Variants in ENOX1 observed in about 807,000 individuals in gnomAD.
ENOX1 encodes the protein candidate growth-related and time keeping constitutive hydroquinone (NADH) oxidase.
A neutral mutation model predicts 82.5 loss-of-function variants in ENOX1; 42 were observed. The ratio of observed to expected loss-of-function variants is 0.51; its 90% CI spans 0.40 to 0.66. The LOEUF (loss-of-function observed/expected upper bound fraction) is 0.66, where lower values mean the gene tolerates loss of function less well. Among genes scored for constraint, ENOX1 ranks in the 30% least tolerant of loss-of-function variants. The probability of loss-of-function intolerance (pLI) is 0.00; values close to 1 mark genes in which losing one functional copy is unlikely to be tolerated. For synonymous variants in ENOX1, 271 were observed against 282.2 expected (o/e 0.96, Z 0.40); for missense variants, 608 against 811.6 (o/e 0.75, Z 3.05).
chr13:43,725,162 C>CT (rs1172124537), intron 1 of ENOX1, among the ~76,000 whole-genome samples: 1 of 152,050 alleles, frequency 6.6e-6, no homozygotes, highest in Non-Finnish European at 1.5e-5. Flanking sequence ...AAAGGATAAG[C>CT]TTTTTCTGAT....
chr13:43,291,682 AATTC>A (rs2046008014), intron 12 of ENOX1, among the ~76,000 whole-genome samples: 1 of 152,180 alleles, frequency 6.6e-6, no homozygotes, highest in Non-Finnish European at 1.5e-5. Flanking sequence ...GGTAACCAAG[AATTC>A]ATTCAAAGAC....
intron 3 of ENOX1, 119 bp from the exon 4 acceptor site, chr13:43,413,107 A>AAG: frequency 9.4e-7 from 1 of 1,063,052 alleles, no homozygotes; most frequent in South Asian, 2.0e-5. Flanking sequence ...AGTCTCAGGC[A>AAG]CAGAAGAAAT....
At chr13:43,445,321 C>T (rs2056584535) in intron 3 of ENOX1, among the ~76,000 whole-genome samples, 1 of 152,032 alleles carries the variant, frequency 6.6e-6, no homozygotes, top group South Asian at 2.1e-4. Context: ...GATGGGGTTT[C>T]ACCGTGTTAG....
In ENOX1 at chr13:43,522,896, CTAAGAA is replaced by C. The variant is rs145347665; in HGVS notation, c.-218-38750_-218-38745del. ...ATGGTTCCACATTTTTCTCATTTCA[CTAAGAA>C]TAACAGGAAAAAATCCTCAATGTGG... On this transcript the variant is annotated intron_variant, in intron 2 of 16. Transcript: ENST00000690772. Among the ~76,000 whole-genome samples the C allele has an allele frequency of 3.9e-3, 589 of 152,230 alleles. 1 individual carries two copies. The highest frequency in any genetic ancestry group is 0.014 in the African/African-American group (566 of 41,546).
chr13:43,664,179 AG>A (rs78289208), intron 2 of ENOX1, among the ~76,000 whole-genome samples: 12,729 of 152,242 alleles, frequency 0.084, 825 homozygotes, highest in East Asian at 0.26. Context: ...AAAAGACATA[AG>A]AATCATTTTT....
intron 2 of ENOX1, among the ~76,000 whole-genome samples, chr13:43,643,331 C>T (rs529817409): frequency 6.6e-6 from 1 of 152,312 alleles, no homozygotes; most frequent in South Asian, 2.1e-4. Context: ...TCCAGCACAG[C>T]ACCCTGGCCA....
intron 2 of ENOX1, among the ~76,000 whole-genome samples, chr13:43,596,827 T>C (rs188677116): frequency 2.0e-5 from 3 of 152,322 alleles, no homozygotes; most frequent in Admixed American, 2.0e-4. Context: ...CACACAACCA[T>C]GTATTAAGTG....
intron 2 of ENOX1, among the ~76,000 whole-genome samples, chr13:43,664,147 T>G (rs552391508): frequency 1.3e-5 from 2 of 152,228 alleles, no homozygotes; most frequent in East Asian, 3.9e-4. Context: ...TAAGAAAAAC[T>G]TACCATGTTA....
intron 16 of ENOX1, among the ~76,000 whole-genome samples, chr13:43,215,431 A>G (rs1247207192): frequency 6.6e-6 from 1 of 152,338 alleles, no homozygotes; most frequent in Middle Eastern, 3.4e-3. Flanking sequence ...AAAGCCTATG[A>G]GACAGATTAT....
intron 2 of ENOX1, among the ~76,000 whole-genome samples, chr13:43,531,109 T>A (rs2078193238): frequency 6.6e-6 from 1 of 151,968 alleles, no homozygotes; most frequent in Non-Finnish European, 1.5e-5. Context: ...TAATACTTTT[T>A]TTTTACAAGA....
intron 2 of ENOX1, among the ~76,000 whole-genome samples, chr13:43,563,371 T>A (rs1245586499): frequency 6.6e-6 from 1 of 152,074 alleles, no homozygotes; most frequent in Non-Finnish European, 1.5e-5. Flanking sequence ...TTCCAAAACC[T>A]ATGGGTTACA....
At chr13:43,583,105 T>C (rs2080825674) in intron 2 of ENOX1, among the ~76,000 whole-genome samples, 1 of 152,068 alleles carries the variant, frequency 6.6e-6, no homozygotes, top group African/African-American at 2.4e-5. Flanking sequence ...TTAAACTCCT[T>C]CAAAGCATAA....
intron 11 of ENOX1, among the ~76,000 whole-genome samples, chr13:43,308,932 T>A (rs2047025217): frequency 6.6e-6 from 1 of 152,154 alleles, no homozygotes; most frequent in Admixed American, 6.5e-5. Flanking sequence ...CTGAGAAAGC[T>A]GAGGCTTGGT....
chr13:43,781,807 G>A (rs903079751), intron 1 of ENOX1, among the ~76,000 whole-genome samples: 20 of 152,130 alleles, frequency 1.3e-4, no homozygotes, highest in Middle Eastern at 3.2e-3. Context: ...CACCGCGCCC[G>A]GCCTTGTCCA....
rs869265102 is a variant in ENOX1 at position 43,247,883 on chromosome 13, A to ATTT, written c.1612-11148_1612-11146dup. Among the ~76,000 whole-genome samples the ATTT allele has an allele frequency of 5.3e-3, 77 of 14,630 alleles. 13 individuals are homozygous for ATTT. The highest frequency in any genetic ancestry group is 0.011 in the Non-Finnish European group (57 of 5,408). The allele number at this position is 14,630 out of a possible 152,430, so 9.6% of individuals were successfully genotyped here. ...TATATATATATATATATATATATAT[A>ATTT]TTTTTTTTTTTTTTTTTTTTGAGAC... On this transcript the variant is annotated intron_variant, in intron 14 of 16. Transcript: ENST00000690772.
At chr13:43,589,076 A>G (rs1045408820) in intron 2 of ENOX1, among the ~76,000 whole-genome samples, 4 of 151,814 alleles carry the variant, frequency 2.6e-5, no homozygotes, top group African/African-American at 7.3e-5. Context: ...CACATTGCTG[A>G]GCTCTCCAGA....
intron 3 of ENOX1, among the ~76,000 whole-genome samples, chr13:43,424,456 C>T (rs1225396709): frequency 6.6e-6 from 1 of 152,154 alleles, no homozygotes; most frequent in Admixed American, 6.6e-5. Flanking sequence ...TGGAAATCTA[C>T]CTGCAATAAA....
At chr13:43,623,431 T>C (rs546360046) in intron 2 of ENOX1, among the ~76,000 whole-genome samples, 1 of 152,182 alleles carries the variant, frequency 6.6e-6, no homozygotes, top group South Asian at 2.1e-4. Context: ...CTTCTCACTG[T>C]TTCCTCTACT....
intron 2 of ENOX1, among the ~76,000 whole-genome samples, chr13:43,553,111 G>A (rs577850859): frequency 2.2e-4 from 33 of 152,006 alleles, no homozygotes; most frequent in Non-Finnish European, 4.0e-4. Flanking sequence ...AGACACCACC[G>A]GTACCTAAAG....
Sources: gnomAD v4.1 joint callset for allele counts (sites outside exome capture counted in the v4.1 genomes callset) on GRCh38, gnomAD v4.1.1 for gene constraint, MANE v1.5 for transcripts, NCBI Gene and HGNC (gene_info 2026-07-23, HGNC 2026-07-21) for gene names.